The following DAB2IP variants were observed in gnomAD, a reference collection of about 807,000 sequenced individuals.
DAB2IP encodes DAB2 interacting protein.
In DAB2IP, 28 loss-of-function variants were observed where a neutral mutation model predicts 107.2. That is an observed-to-expected ratio of 0.26 (90% CI 0.19 to 0.36). The LOEUF (loss-of-function observed/expected upper bound fraction) is 0.36. Ranked by LOEUF, DAB2IP falls within the 10% of genes least tolerant of loss-of-function variation. The pLI, the probability that DAB2IP is intolerant of heterozygous loss-of-function variation, is 1.00. For synonymous variants in DAB2IP, 755 were observed against 706.4 expected (o/e 1.07, Z -1.09); for missense variants, 1,400 against 1,644.7 (o/e 0.85, Z 2.57).
Position 121,701,121 on chromosome 9 carries a change from C to T in DAB2IP, c.362+1663C>T, listed in dbSNP as rs1156291321. On this transcript the variant is annotated intron_variant, in intron 3 of 15. Transcript: ENST00000408936. The surrounding 1 kb of genome is among the most constrained non-coding windows in gnomAD (Gnocchi z 4.7). Reference sequence around the variant, plus strand: ...CCGCATGCGGGGGCTTGTGTACGTACCCCGTTTTGTGTGCATGTGGTGGTT... The same window carrying T: ...CCGCATGCGGGGGCTTGTGTACGTATCCCGTTTTGTGTGCATGTGGTGGTT... Among the ~76,000 whole-genome samples, 1 of 152,232 alleles carries T rather than the reference C, an allele frequency of 6.6e-6. No individual in the cohort carries two copies. Among genetic ancestry groups the T allele is most frequent in the Non-Finnish European group, 1.5e-5 (1 of 68,048 alleles).
At chr9:121,733,786 G>A (rs1368192750) in intron 3 of DAB2IP, among the ~76,000 whole-genome samples, 1 of 152,234 alleles carries the variant, frequency 6.6e-6, no homozygotes, top group African/African-American at 2.4e-5. Flanking sequence ...GGGGCAGGAG[G>A]GGAGCCTCGT....
intron 3 of DAB2IP, among the ~76,000 whole-genome samples, chr9:121,707,184 C>G (rs947938048): frequency 1.3e-5 from 2 of 152,176 alleles, no homozygotes; most frequent in African/African-American, 4.8e-5. Flanking sequence ...GCGCCCTGTG[C>G]CAGAGGCATT....
intron 1 of DAB2IP, among the ~76,000 whole-genome samples, chr9:121,629,486 ATGGCGGGC>A (rs1831791480): frequency 6.6e-6 from 1 of 152,132 alleles, no homozygotes; most frequent in Admixed American, 6.5e-5. Context: ...GGTGGTGGGT[ATGGCGGGC>A]TGGCCGGGCA....
At chr9:121,692,616 G>A (rs990843184) in intron 2 of DAB2IP, among the ~76,000 whole-genome samples, 7 of 152,126 alleles carry the variant, frequency 4.6e-5, no homozygotes, top group Non-Finnish European at 7.3e-5. Flanking sequence ...TTCTCCAGGC[G>A]GAATATGTGG....
At chr9:121,773,096 C>T (rs1432211144) in exon 12 of DAB2IP, 1 of 1,612,412 alleles carries the variant, frequency 6.2e-7, no homozygotes, top group Non-Finnish European at 8.5e-7. Flanking sequence ...GCCACAGCTC[C>T]CTGAGCTCAC....
In DAB2IP at chr9:121,584,384, G is replaced by C. The variant is rs114961792; in HGVS notation, c.40+17156G>C. Among the ~76,000 whole-genome samples, 722 of 151,958 alleles carry C rather than the reference G, an allele frequency of 4.8e-3. 11 individuals carry two copies. Among genetic ancestry groups the C allele is most frequent in the African/African-American group, 0.017 (693 of 41,418 alleles). On this transcript the variant is annotated intron_variant, in intron 1 of 16. Transcript: ENST00000259371. ...GATCACGCCACTGCACTCTAGACAG[G>C]GCAACAGAGCAAGACCCTGTCTCTA...
chr9:121,726,739 TGA>T (rs1356668567), intron 3 of DAB2IP, among the ~76,000 whole-genome samples: 1 of 152,072 alleles, frequency 6.6e-6, no homozygotes, highest in African/African-American at 2.4e-5. Flanking sequence ...TTCTGCTTTG[TGA>T]GAGTATAAAA....
At chr9:121,731,251 C>T (rs1831520442) in intron 3 of DAB2IP, among the ~76,000 whole-genome samples, 1 of 152,224 alleles carries the variant, frequency 6.6e-6, no homozygotes, top group South Asian at 2.1e-4. Context: ...TCACTTCCTT[C>T]CCAGCTGGGT....
intron 1 of DAB2IP, among the ~76,000 whole-genome samples, chr9:121,615,723 T>C (rs1478627940): frequency 6.6e-6 from 1 of 151,810 alleles, no homozygotes; most frequent in Non-Finnish European, 1.5e-5. Context: ...GCCTCCCTGG[T>C]TCAAGCGATT....
rs928730044 is a variant in DAB2IP at position 121,617,860 on chromosome 9, G to A, written c.40+50632G>A. On this transcript the variant is annotated intron_variant, in intron 1 of 16. Transcript: ENST00000259371. ...GATGCCCAGTGGAAGAGCGGGGTGC[G>A]TACTCACGTGGGAGGGGAGCCGGTT... 5.9e-5 allele frequency among the ~76,000 whole-genome samples: 9 copies of A among 152,212 alleles called. No individual in the cohort carries two copies. The South Asian group carries it at 8.3e-4, about 14-fold the overall frequency.
At chr9:121,784,117 A>G (rs1184309782) in exon 16 of DAB2IP, 2 of 161,120 alleles carry the variant, frequency 1.2e-5, no homozygotes, top group African/African-American at 4.8e-5. Flanking sequence ...GGGCTTTTAG[A>G]TGTAACCTAC....
At chr9:121,716,639 G>A (rs916756485) in intron 3 of DAB2IP, among the ~76,000 whole-genome samples, 2 of 152,154 alleles carry the variant, frequency 1.3e-5, no homozygotes, top group African/African-American at 4.8e-5. Flanking sequence ...GTGCTGCCAG[G>A]AGACACCAGT....
At chr9:121,762,994 G>A (rs768292763) in intron 6 of DAB2IP, among the ~76,000 whole-genome samples, 3 of 152,160 alleles carry the variant, frequency 2.0e-5, no homozygotes, top group Non-Finnish European at 2.9e-5. Context: ...GGTGGCTCAC[G>A]ACCTCCCCGG....
intron 10 of DAB2IP, 127 bp from the exon 11 acceptor site, chr9:121,770,419 G>A: frequency 9.6e-7 from 1 of 1,042,936 alleles, no homozygotes; most frequent in Non-Finnish European, 1.4e-6. Flanking sequence ...GGCTCTGACT[G>A]GCAGCAGGTG....
intron 3 of DAB2IP, among the ~76,000 whole-genome samples, chr9:121,715,079 C>A (rs1308769808): frequency 6.6e-6 from 1 of 152,252 alleles, no homozygotes; most frequent in Non-Finnish European, 1.5e-5. Flanking sequence ...ACATGGGGAA[C>A]CCATGCCAAG....
At chr9:121,590,399 G>A (rs1056393445) in intron 1 of DAB2IP, among the ~76,000 whole-genome samples, 1 of 151,746 alleles carries the variant, frequency 6.6e-6, no homozygotes, top group Non-Finnish European at 1.5e-5. Context: ...TCCATCATCA[G>A]GTAAGGACCC....
rs764485096 is a variant in DAB2IP, at chr9:121,758,897, G to A, written c.517-1G>A. ...AACACTGTCTTGCCTGCTCCCCACAGGTGACGACGTCATCAGGAAGCAAGT... is the reference window on the plus strand; with the variant it reads ...AACACTGTCTTGCCTGCTCCCCACAAGTGACGACGTCATCAGGAAGCAAGT... On this transcript the variant is annotated splice_acceptor_variant, in intron 4 of 15. Coordinates refer to ENST00000408936, the Ensembl canonical transcript of DAB2IP. LOFTEE classifies it high-confidence loss of function. 1 of 1,612,824 alleles carries A rather than the reference G, an allele frequency of 6.2e-7. No homozygotes were observed. Among genetic ancestry groups the A allele is most frequent in the Non-Finnish European group, 8.5e-7 (1 of 1,179,670 alleles).
At chr9:121,781,641 C>T (rs753435849) in intron 15 of DAB2IP, 90 bp downstream of exon 15, 9 of 1,270,660 alleles carry the variant, frequency 7.1e-6, no homozygotes, top group Non-Finnish European at 1.0e-5. Flanking sequence ...AGTCATACCT[C>T]ACTGCAGACA....
At chr9:121,773,949 CA>C (rs1158808941) in intron 12 of DAB2IP, among the ~76,000 whole-genome samples, 8 of 152,348 alleles carry the variant, frequency 5.3e-5, no homozygotes, top group African/African-American at 1.9e-4. Flanking sequence ...GCTGACAGCC[CA>C]GCCTGGCCCT....
Sources: gnomAD v4.1 joint callset for allele counts (sites outside exome capture counted in the v4.1 genomes callset) on GRCh38, gnomAD v4.1.1 for gene constraint, Gnocchi (gnomAD v3.1) non-coding constraint, MANE v1.5 for transcripts, NCBI Gene and HGNC (gene_info 2026-07-23, HGNC 2026-07-21) for gene names.